Variants in TANC1 observed in about 807,000 individuals in gnomAD.
The protein encoded by TANC1 is protein TANC1.
In TANC1, 77 loss-of-function variants were observed where a neutral mutation model predicts 149.7. That is an observed-to-expected ratio of 0.51 (90% CI 0.43 to 0.62). The LOEUF is 0.62. Among genes scored for constraint, TANC1 ranks in the 20% least tolerant of loss-of-function variants. The pLI is 0.00. For missense variants in TANC1, 1,985 were observed against 2,321.8 expected, an observed-to-expected ratio of 0.85 and a Z score of 2.98; for synonymous variants, 854 against 925.0, an observed-to-expected ratio of 0.92 and a Z score of 1.39.
intron 11 of TANC1, among the ~76,000 whole-genome samples, chr2:159,173,187 A>C (rs2055441863): frequency 6.6e-6 from 1 of 152,234 alleles, no homozygotes. Flanking sequence ...TACATCTTAC[A>C]CTAGAGATCA....
At chr2:159,219,155 T>TA in intron 20 of TANC1, 83 bp from the exon 21 acceptor site, 1 of 1,555,918 alleles carries the variant, frequency 6.4e-7, no homozygotes, top group South Asian at 1.1e-5. Context: ...TGACTATTTT[T>TA]AAAGGTTGAG....
chr2:159,211,754 CTTG>C (rs914673330), intron 19 of TANC1, among the ~76,000 whole-genome samples: 1 of 152,230 alleles, frequency 6.6e-6, no homozygotes, highest in African/African-American at 2.4e-5. Flanking sequence ...AAACACAGAT[CTTG>C]TTGTCTGTCT....
chr2:159,091,962 A>AGGG (rs56038534), intron 3 of TANC1, among the ~76,000 whole-genome samples: 37 of 140,008 alleles, frequency 2.6e-4, no homozygotes, highest in East Asian at 8.4e-4. Flanking sequence ...CTGTAAATAT[A>AGGG]GGGGGGGGTG....
chr2:159,200,221 G>T (rs376175771), intron 19 of TANC1, among the ~76,000 whole-genome samples: 1 of 152,242 alleles, frequency 6.6e-6, no homozygotes, highest in African/African-American at 2.4e-5. Context: ...ACTGCTGACA[G>T]CCAAAAGGTC....
At chr2:159,227,598 CTG>C (rs2060092337) in intron 24 of TANC1, 1 of 539,910 alleles carries the variant, frequency 1.9e-6, no homozygotes. Context: ...TTCTTTCTCA[CTG>C]TGTAACCACA....
At chr2:158,981,263 G>A (rs1018516288) in intron 1 of TANC1, among the ~76,000 whole-genome samples, 2 of 151,018 alleles carry the variant, frequency 1.3e-5, no homozygotes, top group Non-Finnish European at 3.0e-5. Context: ...GGGACCCTGG[G>A]CAACACGGTG....
chr2:159,020,560 ATACT>A (rs1174104749), intron 2 of TANC1, among the ~76,000 whole-genome samples: 1 of 152,216 alleles, frequency 6.6e-6, no homozygotes, highest in East Asian at 1.9e-4. Flanking sequence ...CATTTATGAC[ATACT>A]TACTGCATGG....
At chr2:159,081,269 C>T (rs2044246672) in intron 3 of TANC1, among the ~76,000 whole-genome samples, 2 of 152,128 alleles carry the variant, frequency 1.3e-5, no homozygotes, top group South Asian at 4.1e-4. Flanking sequence ...GTCCATCCCT[C>T]ATGTAATGGT....
At chr2:159,099,323 A>G (rs1460724272) in intron 4 of TANC1, among the ~76,000 whole-genome samples, 1 of 151,984 alleles carries the variant, frequency 6.6e-6, no homozygotes, top group Non-Finnish European at 1.5e-5. Flanking sequence ...TCACTGCTGT[A>G]TCTCTTTGTC....
chr2:159,008,525 C>A, intron 2 of TANC1, among the ~76,000 whole-genome samples: 1 of 152,272 alleles, frequency 6.6e-6, no homozygotes, highest in Middle Eastern at 3.4e-3. Context: ...ACGTTCACTT[C>A]GTGTTGGCTT....
intron 22 of TANC1, among the ~76,000 whole-genome samples, chr2:159,220,762 T>C (rs1444142514): frequency 4.6e-5 from 7 of 151,836 alleles, no homozygotes; most frequent in Non-Finnish European, 8.8e-5. Context: ...GGCTAATTTT[T>C]AGAGACACGG....
intron 4 of TANC1, among the ~76,000 whole-genome samples, chr2:159,098,651 G>C (rs2046371941): frequency 6.6e-6 from 1 of 151,934 alleles, no homozygotes; most frequent in Non-Finnish European, 1.5e-5. Context: ...AGGGGGGTGG[G>C]GGAAACAGAC....
chr2:159,198,896 C>A, intron 18 of TANC1, 79 bp from the exon 19 acceptor site: 1 of 971,304 alleles, frequency 1.0e-6, no homozygotes, highest in South Asian at 1.4e-5. Context: ...AAACAACACA[C>A]TGTCTCCTTT....
At chr2:159,151,985 G>C (rs1267741540) in intron 7 of TANC1, among the ~76,000 whole-genome samples, 5 of 152,060 alleles carry the variant, frequency 3.3e-5, no homozygotes, top group Admixed American at 3.3e-4. Context: ...CCATTAGAAG[G>C]CACACTCTAT....
rs1193704559 is a variant in TANC1, at chr2:159,231,869, C to T, written c.*857C>T. 1 of 152,162 alleles carries T rather than the reference C, an allele frequency of 6.6e-6. No individual in the cohort carries two copies. Among genetic ancestry groups the T allele is most frequent in the Non-Finnish European group, 1.5e-5 (1 of 68,022 alleles). The allele number at this position is 152,162 out of a possible 1,614,324, so 9.4% of individuals were successfully genotyped here. ...CAATCCTTCCAAGCTCCTCTAAGGA[C>T]AATATTTAATTCAGATACTAAAGGT... On this transcript the variant is annotated 3_prime_UTR_variant, in exon 27 of 27. Transcript: ENST00000263635.
At chr2:159,153,701 T>TTTTTTTTTTTTTTTTTTTTTTTTTTTG (rs2053110172) in intron 7 of TANC1, among the ~76,000 whole-genome samples, 1 of 152,200 alleles carries the variant, frequency 6.6e-6, no homozygotes, top group African/African-American at 2.4e-5. Flanking sequence ...AGCTTCCTTT[T>TTTTTTTTTTTTTTTTTTTTTTTTTTTG]AAATCAATAC....
rs1436236086 is a variant in TANC1, at chr2:159,219,704, C to A, written c.3515C>A (p.Ser1172Tyr). The A allele has an allele frequency of 6.2e-7, 1 of 1,614,190 alleles. No homozygotes were observed. Among genetic ancestry groups the A allele is most frequent in the Admixed American group, 1.7e-5 (1 of 60,014 alleles). ...GCTTTCCTTTCAGGTGCAGCCCTTT[C>A]TTCTCTAGACAAAGAGGGTCTGTCA... ...EFLLSKGAAL[S>Y]SLDKEGLSAL... The change falls in exon 22 of 27, where the codon TCT becomes TAT. Residue 1172 changes from serine to tyrosine, a missense_variant. This residue lies in a region of TANC1 where 920 missense variants were observed against 994.7 expected (regional missense o/e 0.92). Transcript: ENST00000263635.
At chr2:159,105,321 A>G (rs969862269) in intron 4 of TANC1, among the ~76,000 whole-genome samples, 9 of 152,110 alleles carry the variant, frequency 5.9e-5, no homozygotes, top group East Asian at 3.9e-4. Context: ...AAAAATTAGC[A>G]TGTTATAATT....
chr2:159,148,781 G>T (rs2052442193), intron 5 of TANC1: 1 of 162,384 alleles, frequency 6.2e-6, no homozygotes, highest in Non-Finnish European at 1.3e-5. Flanking sequence ...AGCCTCCTGT[G>T]GGCATTGGAC....
Sources: allele counts gnomAD v4.1 joint callset (sites outside exome capture counted in the v4.1 genomes callset), GRCh38; gene constraint gnomAD v4.1.1; regional missense constraint gnomAD v4.1.1; transcripts MANE v1.5; gene names NCBI Gene and HGNC (gene_info 2026-07-23, HGNC 2026-07-21).